The following UBR2 variants were observed in gnomAD, a reference collection of about 807,000 sequenced individuals.
UBR2 encodes the protein ubiquitin protein ligase E3 component n-recognin 2, also known as E3 ubiquitin-protein ligase UBR2.
A neutral mutation model predicts 247.9 loss-of-function variants in UBR2; 92 were observed. The observed-to-expected ratio is 0.37, with a 90% CI of 0.31 to 0.44. The LOEUF (loss-of-function observed/expected upper bound fraction) is 0.44. UBR2 is among the 20% of genes least tolerant of loss of function. The probability of loss-of-function intolerance (pLI) is 1.00; values close to 1 mark genes in which losing one functional copy is unlikely to be tolerated. For missense variants in UBR2, 1,613 were observed against 2,112.6 expected, an observed-to-expected ratio of 0.76 and a Z score of 4.64; for synonymous variants, 672 against 693.5, an observed-to-expected ratio of 0.97 and a Z score of 0.49.
intron 11 of UBR2, among the ~76,000 whole-genome samples, chr6:42,623,362 C>G (rs1795123686): frequency 6.6e-6 from 1 of 152,118 alleles, no homozygotes; most frequent in South Asian, 2.1e-4. Context: ...CCCTCAAATT[C>G]CTGGGCTCAA....
Position 42,623,126 on chromosome 6 carries a change from G to A in UBR2, c.1281+5619G>A, listed in dbSNP as rs535176668. Reference sequence around the variant, plus strand: ...TCAACTACAGTGTTAAATACAAGTGGTAGATAAAAGCAGAAATCTTTGTCT... The same window carrying A: ...TCAACTACAGTGTTAAATACAAGTGATAGATAAAAGCAGAAATCTTTGTCT... On this transcript the variant is annotated intron_variant, in intron 11 of 46. Coordinates refer to ENST00000372901, the MANE Select transcript of UBR2 (RefSeq NM_001363705.2). 1.4e-4 allele frequency among the ~76,000 whole-genome samples: 21 copies of A among 152,214 alleles called. No individual in the cohort carries two copies. The South Asian group carries it at 3.3e-3, about 24-fold the overall frequency.
At chr6:42,649,872 T>C (rs1477201358) in intron 22 of UBR2, among the ~76,000 whole-genome samples, 1 of 152,226 alleles carries the variant, frequency 6.6e-6, no homozygotes. Flanking sequence ...ATAACTTGCT[T>C]AGGAAAGTTC....
intron 11 of UBR2, among the ~76,000 whole-genome samples, chr6:42,618,493 C>T (rs1252414929): frequency 6.6e-6 from 1 of 152,132 alleles, no homozygotes; most frequent in Admixed American, 6.5e-5. Context: ...AGGATATATT[C>T]TAATACAGTG....
At chr6:42,635,051 A>G (rs1796000679) in intron 13 of UBR2, among the ~76,000 whole-genome samples, 1 of 152,204 alleles carries the variant, frequency 6.6e-6, no homozygotes, top group Admixed American at 6.5e-5. Flanking sequence ...ATACAGTTAT[A>G]AATTCAATAA....
chr6:42,578,620 C>T (rs73436695), intron 2 of UBR2, among the ~76,000 whole-genome samples: 3,299 of 151,888 alleles, frequency 0.022, 107 homozygotes, highest in African/African-American at 0.075. Context: ...ATTGAATACT[C>T]TTCTTCATAT....
At chr6:42,609,901 A>G (rs906458530) in intron 7 of UBR2, among the ~76,000 whole-genome samples, 2 of 151,584 alleles carry the variant, frequency 1.3e-5, no homozygotes, top group Non-Finnish European at 2.9e-5. Flanking sequence ...GTTACAAAAA[A>G]AAAAAAAGAA....
At position 42,632,570 on chromosome 6, in the gene UBR2, G is replaced by A. The variant is rs769174334; in HGVS notation, c.1300G>A (p.Glu434Lys). 5 of 1,607,912 alleles carry A rather than the reference G, an allele frequency of 3.1e-6. No homozygotes were observed. Among genetic ancestry groups the A allele is most frequent in the Non-Finnish European group, 4.2e-6 (5 of 1,177,900 alleles). The change falls in exon 12 of 47, where the codon GAA (glutamate) becomes AAA (lysine). Residue 434 changes from glutamate (E) to lysine (K), a missense_variant. Coordinates refer to ENST00000372901, the MANE Select transcript of UBR2 (RefSeq NM_001363705.2). ...VPSLARMLITEENLMSIIIKT... is the reference protein window; with the variant it reads ...VPSLARMLITKENLMSIIIKT... Reference sequence around the variant, plus strand: ...TTTTTAGGCTCGAATGCTCATCACAGAAGAAAACTTAATGAGCATTATCAT... The same window carrying A: ...TTTTTAGGCTCGAATGCTCATCACAAAAGAAAACTTAATGAGCATTATCAT...
chr6:42,609,805 G>A (rs555870383), intron 7 of UBR2, among the ~76,000 whole-genome samples: 36 of 151,878 alleles, frequency 2.4e-4, no homozygotes, highest in Admixed American at 2.1e-3. Flanking sequence ...TAAGGTAAGA[G>A]GATTGCTTGA....
At chr6:42,635,646 T>C (rs1307140720) in intron 14 of UBR2, 100 bp downstream of exon 14, 2 of 1,384,002 alleles carry the variant, frequency 1.4e-6, no homozygotes, top group Admixed American at 4.1e-5. Context: ...AAAATAGTGG[T>C]GATACTTAGT....
chr6:42,617,560 T>G, intron 11 of UBR2, 53 bp downstream of exon 11: 7 of 1,459,852 alleles, frequency 4.8e-6, no homozygotes, highest in Non-Finnish European at 6.6e-6. Context: ...ACAGAGGCCT[T>G]AAAATAATAG....
chr6:42,668,324 T>C (rs557160676), intron 34 of UBR2, among the ~76,000 whole-genome samples: 141 of 152,366 alleles, frequency 9.3e-4, no homozygotes, highest in African/African-American at 3.3e-3. Flanking sequence ...GCTCAATTGA[T>C]AGTTTGGGTG....
intron 20 of UBR2, among the ~76,000 whole-genome samples, 153 bp downstream of exon 20, chr6:42,644,689 G>A (rs928381058): frequency 1.3e-5 from 2 of 152,076 alleles, no homozygotes; most frequent in East Asian, 3.8e-4. Context: ...CTCCCCTCTG[G>A]TTACTGTAAT....
intron 35 of UBR2, 44 bp downstream of exon 35, chr6:42,670,284 T>C (rs777095437): frequency 7.5e-6 from 12 of 1,595,656 alleles, no homozygotes; most frequent in Non-Finnish European, 1.0e-5. Flanking sequence ...CAAGCATTCA[T>C]TGATATGAAT....
intron 41 of UBR2, among the ~76,000 whole-genome samples, chr6:42,679,124 A>G (rs1352709515): frequency 6.6e-6 from 1 of 152,150 alleles, no homozygotes; most frequent in African/African-American, 2.4e-5. Flanking sequence ...GTTGTTTTCC[A>G]TGTTCTGTTT....
chr6:42,625,551 G>T (rs549647950), intron 11 of UBR2, among the ~76,000 whole-genome samples: 3 of 152,212 alleles, frequency 2.0e-5, no homozygotes, highest in African/African-American at 7.2e-5. Context: ...CCAGGTTCAA[G>T]CAATTCTGGT....
Position 42,603,451 on chromosome 6 carries a change from A to G in UBR2, c.532-137A>G, listed in dbSNP as rs542552619. ...GTAGGGTGGTAATGTATAGGATCAA[A>G]TTCATTGAAGAGAAGCTGAAGCTGG... is the stretch of plus-strand genomic sequence containing the variant. On this transcript the variant is annotated intron_variant, in intron 4 of 46. Coordinates refer to ENST00000372901, the MANE Select transcript of UBR2 (RefSeq NM_001363705.2). 2.2e-5 allele frequency: 19 copies of G among 844,810 alleles called. No individual in the cohort carries two copies. The Admixed American group carries it at 5.2e-4, about 23-fold the overall frequency. 52.3% of individuals were successfully genotyped at this position (844,810 alleles called of 1,614,324 possible).
chr6:42,668,005 C>T (rs1338979773), intron 34 of UBR2, among the ~76,000 whole-genome samples: 2 of 151,798 alleles, frequency 1.3e-5, no homozygotes, highest in East Asian at 1.9e-4. Context: ...GTGATCCACC[C>T]GCCTCAGCCT....
chr6:42,658,212 C>T, intron 27 of UBR2, 28 bp from the exon 28 acceptor site: 1 of 1,608,226 alleles, frequency 6.2e-7, no homozygotes, highest in Non-Finnish European at 8.5e-7. Flanking sequence ...ATATTTCATA[C>T]AGGATACTGA....
rs1292102274 is a variant in UBR2 at position 42,665,506 on chromosome 6, ACTC to A, written c.3799_3801del (p.Pro1267del). 4 of 1,606,602 alleles carry A rather than the reference ACTC, an allele frequency of 2.5e-6. No homozygotes were observed. In the South Asian group the frequency reaches 4.4e-5, roughly 18 times the overall value. On this transcript the variant is annotated inframe_deletion, in exon 33 of 47. Coordinates refer to ENST00000372901, the MANE Select transcript of UBR2 (RefSeq NM_001363705.2). ...ACAGTTTCTTAGGAAAGAAGAAAGT[ACTC>A]CTAGTAAGTTCTGGTAACCTGTTTT...
Sources: gnomAD v4.1 joint callset for allele counts (sites outside exome capture counted in the v4.1 genomes callset) on GRCh38, gnomAD v4.1.1 for gene constraint, MANE v1.5 for transcripts, NCBI Gene and HGNC (gene_info 2026-07-23, HGNC 2026-07-21) for gene names.